The following KIAA0513 variants were observed in gnomAD, a reference collection of about 807,000 sequenced individuals.
KIAA0513 encodes uncharacterized protein KIAA0513.
A neutral mutation model predicts 56.5 loss-of-function variants in KIAA0513; 39 were observed. The observed-to-expected ratio is 0.69, with a 90% CI of 0.53 to 0.90. The LOEUF (loss-of-function observed/expected upper bound fraction) is 0.90, where lower values mean the gene tolerates loss of function less well. KIAA0513 is among the 40% of genes least tolerant of loss of function. The pLI is 0.00. For synonymous variants in KIAA0513, 268 were observed against 215.6 expected, an observed-to-expected ratio of 1.24 and a Z score of -2.13; for missense variants, 591 against 535.2, an observed-to-expected ratio of 1.10 and a Z score of -1.03.
At chr16:85,066,869 G>A (rs73253027) in intron 1 of KIAA0513, 31 bp from the exon 2 acceptor site, 29,880 of 504,812 alleles carry the variant, frequency 0.059, 1,595 homozygotes, top group East Asian at 0.23. Context: ...GAGGAGTGGC[G>A]CTAATGTCTG....
chr16:85,054,064 G>A (rs1257263849), intron 1 of KIAA0513, among the ~76,000 whole-genome samples: 1 of 151,710 alleles, frequency 6.6e-6, no homozygotes, highest in Admixed American at 6.6e-5. Context: ...GGAGGCTGAG[G>A]TGGGAGGATC....
rs959063359 is a variant in KIAA0513, at chr16:85,093,504, T to C, written c.*5179T>C. ...AGCAGCGCTATAAGGGACTTTGCACTTTAAAAAGGGGATGCCTGTCAGTAA... is the reference window on the plus strand; with the variant it reads ...AGCAGCGCTATAAGGGACTTTGCACCTTAAAAAGGGGATGCCTGTCAGTAA... On this transcript the variant is annotated 3_prime_UTR_variant, in exon 13 of 13. Coordinates refer to ENST00000683363, the MANE Select transcript of KIAA0513 (RefSeq NM_001388359.1). The C allele has an allele frequency of 1.3e-5, 2 of 152,620 alleles. No individual in the cohort carries two copies. The highest frequency in any genetic ancestry group is 1.9e-4 in the East Asian group (1 of 5,196). 9.5% of individuals were successfully genotyped at this position (152,620 alleles called of 1,614,324 possible). A position where few individuals can be genotyped will look rare whatever the true frequency, so the allele number is the denominator to read the frequency against.
rs2073836304 is a variant in KIAA0513 at position 85,088,601 on chromosome 16, G to A, written c.*276G>A. The A allele has an allele frequency of 4.5e-6, 2 of 446,100 alleles. No individual in the cohort carries two copies. The highest frequency in any genetic ancestry group is 7.5e-5 in the Admixed American group (2 of 26,808). The allele number at this position is 446,100 out of a possible 1,614,324, so 27.6% of individuals were successfully genotyped here. ...ACCCCGAGTGCCAGGCTTGTGAGAT[G>A]AGACCAAGAGGGAGGAGGGGAAGGA... On this transcript the variant is annotated 3_prime_UTR_variant, in exon 13 of 13. Coordinates refer to ENST00000683363, the MANE Select transcript of KIAA0513 (RefSeq NM_001388359.1).
intron 1 of KIAA0513, among the ~76,000 whole-genome samples, chr16:85,061,871 C>G (rs1333997264): frequency 6.6e-6 from 1 of 152,214 alleles, no homozygotes; most frequent in African/African-American, 2.4e-5. Flanking sequence ...CTCCAGAATA[C>G]AGACCGCTGT....
At chr16:85,088,169 C>A in intron 12 of KIAA0513, 107 bp from the exon 13 acceptor site, 1 of 1,006,752 alleles carries the variant, frequency 9.9e-7, no homozygotes. Context: ...AGCTGCAGCC[C>A]TGCTCCCAGG....
At position 85,054,401 on chromosome 16, in the gene KIAA0513, C is replaced by G; in HGVS notation, c.-172-12499C>G. ...CTCAGTGCCATTGAAATCTGTGTTTCTTTTTTTTCTTTTTCTTTTCTTTTT... is the reference window on the plus strand; with the variant it reads ...CTCAGTGCCATTGAAATCTGTGTTTGTTTTTTTTCTTTTTCTTTTCTTTTT... On this transcript the variant is annotated intron_variant, in intron 1 of 12. Transcript: ENST00000683363. Among the ~76,000 whole-genome samples the G allele has an allele frequency of 1.4e-5, 2 of 141,360 alleles. 1 individual carries two copies. The highest frequency in any genetic ancestry group is 7.1e-3 in the Middle Eastern group (2 of 280). The allele number at this position is 141,360 out of a possible 152,430, so 92.7% of individuals were successfully genotyped here.
In KIAA0513 at chr16:85,079,125, G is replaced by A. The variant is rs1023394765; in HGVS notation, c.902+122G>A. Reference sequence around the variant, plus strand: ...TGGCAGAATTCTCACACTCACCAGAGTGGCAGAATAAAAAGATGAACACTC... The same window carrying A: ...TGGCAGAATTCTCACACTCACCAGAATGGCAGAATAAAAAGATGAACACTC... On this transcript the variant is annotated intron_variant, in intron 8 of 12. Coordinates refer to ENST00000683363, the MANE Select transcript of KIAA0513 (RefSeq NM_001388359.1). 2.4e-5 allele frequency: 37 copies of A among 1,538,162 alleles called. 1 individual carries two copies. Among genetic ancestry groups the A allele is most frequent in the Admixed American group, 4.0e-5 (2 of 50,284 alleles).
intron 1 of KIAA0513, among the ~76,000 whole-genome samples, chr16:85,048,190 C>T (rs999129456): frequency 6.6e-6 from 1 of 152,190 alleles, no homozygotes; most frequent in African/African-American, 2.4e-5. Flanking sequence ...GAGCCCATCC[C>T]CTAACTCCCT....
intron 1 of KIAA0513, among the ~76,000 whole-genome samples, chr16:85,051,006 A>C (rs1229366805): frequency 6.6e-6 from 1 of 152,144 alleles, no homozygotes; most frequent in Non-Finnish European, 1.5e-5. Context: ...AATGTGTTAA[A>C]AAATTAGCCA....
chr16:85,088,192 G>T, intron 12 of KIAA0513, 84 bp from the exon 13 acceptor site: 2 of 1,318,392 alleles, frequency 1.5e-6, no homozygotes, highest in Non-Finnish European at 1.1e-6. Flanking sequence ...GGCCCGATTC[G>T]TCCCTGTCCG....
At chr16:85,075,476 C>G (rs1161157664) in intron 4 of KIAA0513, among the ~76,000 whole-genome samples, 2 of 152,172 alleles carry the variant, frequency 1.3e-5, no homozygotes, top group African/African-American at 4.8e-5. Context: ...CTGCTAGTTC[C>G]CGAGAAATCA....
intron 1 of KIAA0513, among the ~76,000 whole-genome samples, chr16:85,037,377 C>G (rs984763467): frequency 6.6e-6 from 1 of 151,972 alleles, no homozygotes; most frequent in African/African-American, 2.4e-5. Context: ...ATCGGGTGAA[C>G]CTAGGACGCT....
intron 3 of KIAA0513, among the ~76,000 whole-genome samples, chr16:85,072,517 G>A (rs1333820526): frequency 6.6e-6 from 1 of 150,660 alleles, no homozygotes; most frequent in Non-Finnish European, 1.5e-5. Flanking sequence ...TTTAGTTTTT[G>A]AGTATTTTAG....
At chr16:85,057,492 C>T (rs1477258162) in intron 1 of KIAA0513, among the ~76,000 whole-genome samples, 8 of 152,146 alleles carry the variant, frequency 5.3e-5, no homozygotes, top group Non-Finnish European at 1.2e-4. Context: ...CAGATGCAGC[C>T]CCTTTGGGTG....
In KIAA0513 at chr16:85,079,261, C is replaced by T. The variant is rs2073706917; in HGVS notation, c.902+258C>T. On this transcript the variant is annotated intron_variant, in intron 8 of 12. Coordinates refer to ENST00000683363, the MANE Select transcript of KIAA0513 (RefSeq NM_001388359.1). Reference sequence around the variant, plus strand: ...TGGCAGTTCCTTTAAAGGTGAAACACAAGAGTTACTCTGTGACCCAGCAGC... The same window carrying T: ...TGGCAGTTCCTTTAAAGGTGAAACATAAGAGTTACTCTGTGACCCAGCAGC... The T allele has an allele frequency of 3.3e-5, 21 of 638,088 alleles. No individual in the cohort carries two copies. In the South Asian group the frequency reaches 5.0e-4, roughly 15 times the overall value. 39.5% of individuals were successfully genotyped at this position (638,088 alleles called of 1,614,324 possible).
chr16:85,070,545 G>T (rs916375539), intron 2 of KIAA0513, among the ~76,000 whole-genome samples: 2 of 152,202 alleles, frequency 1.3e-5, no homozygotes, highest in African/African-American at 4.8e-5. Context: ...GGGCGTGGTG[G>T]CAGGTGCCTG....
intron 1 of KIAA0513, among the ~76,000 whole-genome samples, chr16:85,062,581 A>G (rs1336083681): frequency 6.6e-6 from 1 of 152,220 alleles, no homozygotes; most frequent in Admixed American, 6.5e-5. Context: ...CCTTGAATGT[A>G]GAACGAAGCA....
rs2073897081 is a variant in KIAA0513, at chr16:85,093,980, C to T, written c.*5655C>T. 6.6e-6 allele frequency: 1 copy of T among 152,216 alleles called. No homozygotes were observed. The highest frequency in any genetic ancestry group is 2.4e-5 in the African/African-American group (1 of 41,440). The allele number at this position is 152,216 out of a possible 1,614,324, so 9.4% of individuals were successfully genotyped here. A position where few individuals can be genotyped will look rare whatever the true frequency, so the allele number is the denominator to read the frequency against. ...TAGACTCGCGGTGCTCACATCCAGA[C>T]ATTACCTTGTTGGTAGCCCCCAAGT... On this transcript the variant is annotated 3_prime_UTR_variant, in exon 13 of 13. Coordinates refer to ENST00000683363, the MANE Select transcript of KIAA0513 (RefSeq NM_001388359.1).
chr16:85,088,577 C>A lies in KIAA0513; in HGVS notation c.*252C>A. 1.9e-6 allele frequency: 1 copy of A among 515,418 alleles called. No individual in the cohort carries two copies. The highest frequency in any genetic ancestry group is 3.5e-6 in the Non-Finnish European group (1 of 285,656). The allele number at this position is 515,418 out of a possible 1,614,324, so 31.9% of individuals were successfully genotyped here. On this transcript the variant is annotated 3_prime_UTR_variant, in exon 13 of 13. Transcript: ENST00000683363. ...GCTAAAGCCGAGGTGACCAGTTGTA[C>A]CCCGAGTGCCAGGCTTGTGAGATGA... is the stretch of plus-strand genomic sequence containing the variant.
Sources: allele counts gnomAD v4.1 joint callset (sites outside exome capture counted in the v4.1 genomes callset), GRCh38; gene constraint gnomAD v4.1.1; transcripts MANE v1.5; gene names NCBI Gene and HGNC (gene_info 2026-07-23, HGNC 2026-07-21).